TRAPPC9: variants seen among roughly 807,000 people sequenced by gnomAD.
TRAPPC9 encodes the protein trafficking protein particle complex subunit 9.
A neutral mutation model predicts 124.0 loss-of-function variants in TRAPPC9; 83 were observed. That is an observed-to-expected ratio of 0.67 (90% CI 0.56 to 0.80). The LOEUF (loss-of-function observed/expected upper bound fraction) is 0.80, where lower values mean the gene tolerates loss of function less well. TRAPPC9 is among the 30% of genes least tolerant of loss of function. TRAPPC9 has a pLI of 0.00. For missense variants in TRAPPC9, 1,302 were observed against 1,508.3 expected, an observed-to-expected ratio of 0.86 and a Z score of 2.27; for synonymous variants, 638 against 617.5, an observed-to-expected ratio of 1.03 and a Z score of -0.49.
intron 17 of TRAPPC9, among the ~76,000 whole-genome samples, chr8:140,207,676 C>T (rs181237289): frequency 4.6e-5 from 7 of 152,322 alleles, no homozygotes; most frequent in East Asian, 1.9e-4. Context: ...TGGTGCTTCG[C>T]GGTGACAGCG....
intron 17 of TRAPPC9, among the ~76,000 whole-genome samples, chr8:140,157,479 A>G (rs544597540): frequency 2.7e-4 from 41 of 152,340 alleles, no homozygotes; most frequent in African/African-American, 9.1e-4. Flanking sequence ...GAATGACGAA[A>G]TGAGTGCAGG....
chr8:140,439,058 G>A lies in TRAPPC9; in HGVS notation c.724C>T (p.Leu242Phe). 6.2e-7 allele frequency: 1 copy of A among 1,614,078 alleles called. No individual in the cohort carries two copies. The highest frequency in any genetic ancestry group is 8.5e-7 in the Non-Finnish European group (1 of 1,180,014). ...LLRSVNDFLW[L>F]GAALEGLCSA... is the part of the protein sequence containing the mutation. The stretch of plus-strand genomic sequence containing the variant: ...CTTCATCAGCTCATCTTACCTCCAA[G>A]CCACAGAAAGTCATTCACAGAACGC... The change falls in exon 3 of 23, where the codon CTT becomes TTT. Residue 242 changes from leucine (L) to phenylalanine (F), a missense_variant. Around this residue, in one of 3 missense-constraint regions of TRAPPC9, gnomAD observed 657 missense variants for 811.2 expected, o/e 0.81. Coordinates refer to ENST00000438773, the MANE Select transcript of TRAPPC9 (RefSeq NM_001160372.4).
chr8:140,389,777 CTGCCTCATTG>C (rs1234375225), intron 7 of TRAPPC9, among the ~76,000 whole-genome samples: 1 of 150,750 alleles, frequency 6.6e-6, no homozygotes, highest in African/African-American at 2.4e-5. Context: ...TATTTACATT[CTGCCTCATTG>C]TAAAAAAGGA....
intron 21 of TRAPPC9, among the ~76,000 whole-genome samples, chr8:139,807,360 G>A (rs1189839816): frequency 7.2e-5 from 11 of 152,186 alleles, no homozygotes. Flanking sequence ...ACTCCAAGGG[G>A]CAAAGCGGAC....
At chr8:140,329,873 T>C (rs534720501) in intron 9 of TRAPPC9, among the ~76,000 whole-genome samples, 1 of 151,590 alleles carries the variant, frequency 6.6e-6, no homozygotes, top group Admixed American at 6.6e-5. Flanking sequence ...AGGTCAGGAG[T>C]TTGAGACCAG....
At chr8:140,199,485 G>T (rs1327205342) in intron 17 of TRAPPC9, among the ~76,000 whole-genome samples, 2 of 151,834 alleles carry the variant, frequency 1.3e-5, no homozygotes, top group African/African-American at 2.4e-5. Context: ...TGATCAAGCT[G>T]GAATGTGAAC....
Position 140,366,896 on chromosome 8 carries a change from T to C in TRAPPC9, c.1351+4068A>G, listed in dbSNP as rs181683046. Among the ~76,000 whole-genome samples, 83 of 152,100 alleles carry C rather than the reference T, an allele frequency of 5.5e-4. No individual in the cohort carries two copies. In the East Asian group the frequency reaches 0.015, roughly 28 times the overall value. On this transcript the variant is annotated intron_variant, in intron 8 of 22. Coordinates refer to ENST00000438773, the MANE Select transcript of TRAPPC9 (RefSeq NM_001160372.4). ...GTCAACAGCAATGAAACAAACAACC[T>C]AATTAAAAAGGGGGCAAAAGATCTG...
intron 17 of TRAPPC9, among the ~76,000 whole-genome samples, chr8:140,205,627 A>G (rs142853301): frequency 8.3e-4 from 127 of 152,360 alleles, no homozygotes; most frequent in African/African-American, 2.9e-3. Flanking sequence ...GAACAACTCA[A>G]ATGGATTAAT....
chr8:140,175,250 G>T (rs193145315), intron 17 of TRAPPC9, among the ~76,000 whole-genome samples: 23 of 151,906 alleles, frequency 1.5e-4, no homozygotes, highest in African/African-American at 5.6e-4. Flanking sequence ...TCCAATAGTT[G>T]CCCCAAATAA....
At chr8:140,123,411 A>G (rs1587753829) in intron 17 of TRAPPC9, among the ~76,000 whole-genome samples, 1 of 152,074 alleles carries the variant, frequency 6.6e-6, no homozygotes, top group East Asian at 1.9e-4. Flanking sequence ...CAGACCTCAG[A>G]CCCCTGCACG....
In TRAPPC9 at chr8:140,383,040, C is replaced by T. The variant is rs745804124; in HGVS notation, c.1135-11860G>A. On this transcript the variant is annotated intron_variant, in intron 7 of 22. Transcript: ENST00000438773. The stretch of plus-strand genomic sequence containing the variant: ...TGTTCTGCAGCCTCCGCTGCTGATA[C>T]CCAGGCAAACAGGGTCTAGAGTGGA... Among the ~76,000 whole-genome samples, 37 of 152,236 alleles carry T rather than the reference C, an allele frequency of 2.4e-4. 1 individual carries two copies. Among genetic ancestry groups the T allele is most frequent in the Non-Finnish European group, 7.3e-5 (5 of 68,040 alleles).
chr8:139,876,966 C>G (rs1829358122), intron 21 of TRAPPC9, among the ~76,000 whole-genome samples: 1 of 152,252 alleles, frequency 6.6e-6, no homozygotes, highest in Non-Finnish European at 1.5e-5. Flanking sequence ...CACAAGCTAT[C>G]AGGTGGCTGC....
At chr8:140,388,917 G>A (rs867223713) in intron 7 of TRAPPC9, among the ~76,000 whole-genome samples, 7 of 149,122 alleles carry the variant, frequency 4.7e-5, no homozygotes, top group South Asian at 2.1e-4. Flanking sequence ...AAAACATGAC[G>A]CTAAGTGAGT....
intron 20 of TRAPPC9, among the ~76,000 whole-genome samples, chr8:139,894,758 T>C (rs1010317734): frequency 1.3e-5 from 2 of 152,206 alleles, no homozygotes; most frequent in African/African-American, 4.8e-5. Context: ...TCAGTTTCAC[T>C]GTTTCTGGTT....
chr8:139,894,434 C>T (rs1830540190), intron 20 of TRAPPC9, among the ~76,000 whole-genome samples: 1 of 152,174 alleles, frequency 6.6e-6, no homozygotes, highest in South Asian at 2.1e-4. Flanking sequence ...GCCCCCACCT[C>T]ACCAGTGGCC....
intron 9 of TRAPPC9, among the ~76,000 whole-genome samples, chr8:140,354,979 T>G (rs1482727630): frequency 6.6e-6 from 1 of 152,222 alleles, no homozygotes; most frequent in Non-Finnish European, 1.5e-5. Context: ...ATAAAGGTCT[T>G]TCAAGAGACT....
intron 19 of TRAPPC9, among the ~76,000 whole-genome samples, chr8:139,939,276 G>A (rs1563937554): frequency 6.6e-6 from 1 of 152,228 alleles, no homozygotes; most frequent in African/African-American, 2.4e-5. Context: ...CCGGGGTCTG[G>A]AGAGGTCAAG....
chr8:139,979,248 T>C (rs924272594), intron 19 of TRAPPC9, among the ~76,000 whole-genome samples: 1 of 151,900 alleles, frequency 6.6e-6, no homozygotes, highest in Admixed American at 6.6e-5. Context: ...ACCGTGTAGG[T>C]GGTGAGAGCC....
intron 17 of TRAPPC9, among the ~76,000 whole-genome samples, chr8:140,030,167 C>T (rs1840415477): frequency 6.6e-6 from 1 of 152,088 alleles, no homozygotes; most frequent in Admixed American, 6.5e-5. Flanking sequence ...TCATGAAAAA[C>T]CTATAGTCAA....
Sources: allele counts gnomAD v4.1 joint callset (sites outside exome capture counted in the v4.1 genomes callset), GRCh38; gene constraint gnomAD v4.1.1; regional missense constraint gnomAD v4.1.1; transcripts MANE v1.5; gene names NCBI Gene and HGNC (gene_info 2026-07-23, HGNC 2026-07-21).